Variants in MDFIC observed in about 807,000 individuals in gnomAD.
The protein encoded by MDFIC is myoD family inhibitor domain-containing protein.
Under a neutral mutation model 23.2 loss-of-function variants are expected in MDFIC, and 17 were observed. The observed-to-expected ratio is 0.73, with a 90% CI of 0.50 to 1.10. The LOEUF (loss-of-function observed/expected upper bound fraction) is 1.10. Ranked by LOEUF, MDFIC falls within the 50% of genes least tolerant of loss-of-function variation. The probability of loss-of-function intolerance (pLI) is 0.00; values close to 1 mark genes in which losing one functional copy is unlikely to be tolerated. For synonymous variants in MDFIC, 120 were observed against 115.2 expected, an observed-to-expected ratio of 1.04 and a Z score of -0.27; for missense variants, 356 against 316.6, an observed-to-expected ratio of 1.12 and a Z score of -0.95.
chr7:114,969,624 C>T (rs1023793434), intron 3 of MDFIC, among the ~76,000 whole-genome samples: 1 of 152,156 alleles, frequency 6.6e-6, no homozygotes, highest in Non-Finnish European at 1.5e-5. Context: ...ATCTATACTG[C>T]TACCAGAAGA....
At chr7:114,922,675 G>C in intron 1 of MDFIC, 39 bp downstream of exon 1, 2 of 1,341,202 alleles carry the variant, frequency 1.5e-6, no homozygotes, top group Non-Finnish European at 1.9e-6. Flanking sequence ...GGAGGGGTTT[G>C]ATCCCCATCC....
intron 4 of MDFIC, among the ~76,000 whole-genome samples, chr7:114,993,256 G>A (rs1038155242): frequency 2.0e-5 from 3 of 151,858 alleles, no homozygotes; most frequent in African/African-American, 7.3e-5. Flanking sequence ...TTCTTTATTA[G>A]TCTTGGTAGC....
intron 2 of MDFIC, among the ~76,000 whole-genome samples, chr7:114,930,977 T>G (rs1219237568): frequency 1.3e-5 from 2 of 152,196 alleles, no homozygotes; most frequent in African/African-American, 2.4e-5. Context: ...CAAAGAAAGT[T>G]GCTGCAGCCC....
In MDFIC at chr7:114,942,373, C is replaced by T; in HGVS notation, c.193C>T (p.Pro65Ser). 2 of 1,602,052 alleles carry T rather than the reference C, an allele frequency of 1.2e-6. No homozygotes were observed. Among genetic ancestry groups the T allele is most frequent in the Non-Finnish European group, 1.7e-6 (2 of 1,174,498 alleles). ...GCAAGACCAGTCCATTTGGGGAAAT[C>T]CTTCGGATGGTGAACTCATTAGAAG... ...EMQDQSIWGN[P>S]SDGELIRTQP... Residue 65 changes from proline (P) to serine (S), a missense_variant, in exon 3 of 5, where the codon CCT becomes TCT. Coordinates refer to ENST00000393486, the MANE Select transcript of MDFIC (RefSeq NM_001166345.3).
At chr7:114,954,993 G>A (rs1238072909) in intron 3 of MDFIC, among the ~76,000 whole-genome samples, 1 of 151,476 alleles carries the variant, frequency 6.6e-6, no homozygotes, top group Non-Finnish European at 1.5e-5. Context: ...TCTGCCTCTC[G>A]TCGGTCTTTT....
chr7:114,932,950 A>G (rs1792344466), intron 2 of MDFIC, among the ~76,000 whole-genome samples: 1 of 152,170 alleles, frequency 6.6e-6, no homozygotes, highest in African/African-American at 2.4e-5. Context: ...TCTGTCCTCT[A>G]TTTATTTAAT....
At chr7:114,960,966 C>T in intron 3 of MDFIC, among the ~76,000 whole-genome samples, 1 of 152,020 alleles carries the variant, frequency 6.6e-6, no homozygotes, top group East Asian at 1.9e-4. Flanking sequence ...TGACACAAAA[C>T]ACAGTACTAC....
intron 3 of MDFIC, among the ~76,000 whole-genome samples, chr7:114,951,413 T>C (rs1429301368): frequency 6.6e-6 from 1 of 152,130 alleles, no homozygotes; most frequent in Admixed American, 6.5e-5. Flanking sequence ...TCTTCTCCAT[T>C]TAGTCTAGTA....
At position 114,922,342 on chromosome 7, in the gene MDFIC, A is replaced by C; in HGVS notation, c.-402A>C. 1.8e-6 allele frequency: 2 copies of C among 1,127,694 alleles called. No individual in the cohort carries two copies. Among genetic ancestry groups the C allele is most frequent in the South Asian group, 4.5e-5 (1 of 22,052 alleles). The allele number at this position is 1,127,694 out of a possible 1,614,324, so 69.9% of individuals were successfully genotyped here. ...AGGATTGTAGGAGTGGAAGAGGGGA[A>C]AGAGAGGCAGAGAGGGGGAAGGCCC... is the stretch of plus-strand genomic sequence containing the variant. On this transcript the variant is annotated 5_prime_UTR_variant, in exon 1 of 5. Coordinates refer to ENST00000393486, the MANE Select transcript of MDFIC (RefSeq NM_001166345.3).
At chr7:114,996,596 T>C (rs570527716) in intron 4 of MDFIC, among the ~76,000 whole-genome samples, 1 of 152,244 alleles carries the variant, frequency 6.6e-6, no homozygotes, top group East Asian at 1.9e-4. Context: ...GCTTGAGATA[T>C]GTTTTGTGAG....
At chr7:114,928,952 T>C (rs1185806018) in intron 2 of MDFIC, among the ~76,000 whole-genome samples, 1 of 152,072 alleles carries the variant, frequency 6.6e-6, no homozygotes, top group African/African-American at 2.4e-5. Flanking sequence ...GGGAATAGAT[T>C]TTTACTTATT....
intron 3 of MDFIC, among the ~76,000 whole-genome samples, chr7:114,945,696 G>GAAATTTA (rs1195878162): frequency 2.0e-5 from 3 of 152,074 alleles, no homozygotes; most frequent in Non-Finnish European, 4.4e-5. Flanking sequence ...TCTTTCCTAT[G>GAAATTTA]AAATTTAAAT....
chr7:114,998,937 A>G (rs186359335), intron 4 of MDFIC, among the ~76,000 whole-genome samples: 5 of 152,296 alleles, frequency 3.3e-5, no homozygotes, highest in East Asian at 1.9e-4. Flanking sequence ...AGGAGCATCT[A>G]TCTTTGCAGA....
At chr7:114,997,408 A>ATGTG (rs148976289) in intron 4 of MDFIC, among the ~76,000 whole-genome samples, 7 of 149,402 alleles carry the variant, frequency 4.7e-5, no homozygotes, top group African/African-American at 1.5e-4. Context: ...GCATGCGTGC[A>ATGTG]TGTGTGTGTG....
chr7:114,984,191 T>G (rs1332446407), intron 4 of MDFIC, among the ~76,000 whole-genome samples: 1 of 152,162 alleles, frequency 6.6e-6, no homozygotes, highest in Non-Finnish European at 1.5e-5. Flanking sequence ...CAAGCAGGGA[T>G]CTTCTTCTTA....
At chr7:114,923,971 A>G (rs1213048077) in intron 2 of MDFIC, among the ~76,000 whole-genome samples, 1 of 152,224 alleles carries the variant, frequency 6.6e-6, no homozygotes, top group Non-Finnish European at 1.5e-5. Context: ...TGATAGCTTT[A>G]TTTCCCACTT....
intron 4 of MDFIC, among the ~76,000 whole-genome samples, chr7:115,003,796 G>T (rs1465096823): frequency 4.6e-5 from 7 of 152,070 alleles, no homozygotes; most frequent in Non-Finnish European, 5.9e-5. Context: ...CATAACTCAG[G>T]AATCACCCTT....
chr7:114,942,213 A>G (rs1171481933), intron 2 of MDFIC, 62 bp from the exon 3 acceptor site: 3 of 1,083,772 alleles, frequency 2.8e-6, no homozygotes, highest in East Asian at 3.0e-5. Context: ...AAATGTATAT[A>G]CTAAAAAAGG....
At chr7:114,945,397 C>A (rs1792624561) in intron 3 of MDFIC, among the ~76,000 whole-genome samples, 1 of 152,204 alleles carries the variant, frequency 6.6e-6, no homozygotes, top group African/African-American at 2.4e-5. Context: ...AACTTTAACC[C>A]TGACCTTAGC....
Sources: allele counts gnomAD v4.1 joint callset (sites outside exome capture counted in the v4.1 genomes callset), GRCh38; gene constraint gnomAD v4.1.1; transcripts MANE v1.5; gene names NCBI Gene and HGNC (gene_info 2026-07-23, HGNC 2026-07-21).